The following SDK1 variants were observed in gnomAD, a reference collection of about 807,000 sequenced individuals.
SDK1 encodes sidekick cell adhesion molecule 1, also known as protein sidekick-1.
A neutral mutation model predicts 245.5 loss-of-function variants in SDK1; 157 were observed. That is an observed-to-expected ratio of 0.64 (90% CI 0.56 to 0.73). SDK1 has a LOEUF of 0.73. Among genes scored for constraint, SDK1 ranks in the 30% least tolerant of loss-of-function variants. SDK1 has a pLI of 0.00. For synonymous variants in SDK1, 1,647 were observed against 1,278.5 expected (o/e 1.29, Z -6.15); for missense variants, 3,583 against 3,002.3 (o/e 1.19, Z -4.52).
intron 4 of SDK1, among the ~76,000 whole-genome samples, chr7:3,818,290 C>T (rs1779558529): frequency 6.6e-6 from 1 of 152,190 alleles, no homozygotes; most frequent in Non-Finnish European, 1.5e-5. Context: ...AATGTGTCAT[C>T]TGGAGCTATG....
intron 1 of SDK1, among the ~76,000 whole-genome samples, chr7:3,475,466 G>A (rs919908028): frequency 3.9e-5 from 6 of 152,336 alleles, no homozygotes; most frequent in East Asian, 3.9e-4. Flanking sequence ...TTGGTGCTGC[G>A]ATGACTTGAT....
intron 4 of SDK1, among the ~76,000 whole-genome samples, chr7:3,711,363 G>C (rs771110760): frequency 6.6e-6 from 1 of 152,160 alleles, no homozygotes; most frequent in African/African-American, 2.4e-5. Flanking sequence ...GACAAGTAAG[G>C]CCTCTGACCT....
At chr7:3,710,752 C>G (rs148863671) in intron 4 of SDK1, among the ~76,000 whole-genome samples, 35 of 152,330 alleles carry the variant, frequency 2.3e-4, no homozygotes, top group Non-Finnish European at 4.7e-4. Context: ...AATGGGCCAA[C>G]AATCTTGGCA....
At chr7:4,097,783 C>T (rs755202208) in intron 22 of SDK1, among the ~76,000 whole-genome samples, 3 of 152,126 alleles carry the variant, frequency 2.0e-5, no homozygotes, top group African/African-American at 4.8e-5. Flanking sequence ...GTCAGCATTT[C>T]GGTCATAATA....
chr7:3,827,858 C>T (rs960700556), intron 5 of SDK1, among the ~76,000 whole-genome samples: 3 of 152,082 alleles, frequency 2.0e-5, no homozygotes, highest in Non-Finnish European at 4.4e-5. Flanking sequence ...GGAAGAATAG[C>T]CTGGGAGGGC....
In SDK1 at chr7:3,969,324, A is replaced by G. The variant is rs147945522; in HGVS notation, c.1614A>G (p.Leu538=). 617 of 1,611,434 alleles carry G rather than the reference A, an allele frequency of 3.8e-4. 7 individuals carry two copies. The East Asian group carries it at 0.011, about 30-fold the overall frequency. ...PRFMLLESGG[L]QIAPVFIQDA... ...TCATGCTTCTTGAATCGGGGGGTCT[A>G]CAGATCGCGCCCGTCTTCATCCAGG... The change falls in exon 11 of 45, where the codon CTA becomes CTG. Residue 538 remains leucine, a synonymous_variant. Coordinates refer to ENST00000404826, the MANE Select transcript of SDK1 (RefSeq NM_152744.4).
At chr7:3,693,366 T>C (rs1784486444) in intron 4 of SDK1, among the ~76,000 whole-genome samples, 2 of 152,340 alleles carry the variant, frequency 1.3e-5, no homozygotes, top group East Asian at 1.9e-4. Flanking sequence ...TCCTCATTCT[T>C]TGGACCAGTT....
chr7:4,220,343 G>A (rs1785074825), intron 39 of SDK1, 73 bp downstream of exon 39: 1 of 1,508,370 alleles, frequency 6.6e-7, no homozygotes, highest in Non-Finnish European at 9.1e-7. Flanking sequence ...ACTGAGCTGA[G>A]ATCCATCTAC....
chr7:3,445,012 G>A (rs186349123), intron 1 of SDK1, among the ~76,000 whole-genome samples: 2 of 152,186 alleles, frequency 1.3e-5, no homozygotes, highest in African/African-American at 4.8e-5. Context: ...AGCAGAGTCA[G>A]TAGGCATATT....
At position 3,635,173 on chromosome 7, in the gene SDK1, A is replaced by G. The variant is rs1439104311; in HGVS notation, c.459-3831A>G. On this transcript the variant is annotated intron_variant, in intron 2 of 44. Transcript: ENST00000404826. ...AAATGGCATTGGCTCTTTGCATTCA[A>G]TTTGACATTATTGTGATTGTATTCA... Among the ~76,000 whole-genome samples, 4 of 152,190 alleles carry G rather than the reference A, an allele frequency of 2.6e-5. No individual in the cohort carries two copies. In the East Asian group the frequency reaches 7.7e-4, roughly 29 times the overall value.
chr7:3,668,224 A>G (rs1358571147), intron 4 of SDK1, among the ~76,000 whole-genome samples: 1 of 152,216 alleles, frequency 6.6e-6, no homozygotes, highest in African/African-American at 2.4e-5. Context: ...CAATTTGAGC[A>G]GGAGTGGGAA....
intron 5 of SDK1, among the ~76,000 whole-genome samples, chr7:3,871,612 A>T (rs2115134335): frequency 6.6e-6 from 1 of 152,348 alleles, no homozygotes; most frequent in Non-Finnish European, 1.5e-5. Flanking sequence ...TCATTGTGGA[A>T]AGTAAAGGAG....
At chr7:3,998,131 GCT>G (rs1784816717) in intron 14 of SDK1, among the ~76,000 whole-genome samples, 1 of 152,244 alleles carries the variant, frequency 6.6e-6, no homozygotes, top group Non-Finnish European at 1.5e-5. Flanking sequence ...GCTCCTGCCT[GCT>G]CCATGGAATG....
At chr7:3,852,721 A>G (rs1236628097) in intron 5 of SDK1, among the ~76,000 whole-genome samples, 2 of 139,486 alleles carry the variant, frequency 1.4e-5, no homozygotes, top group African/African-American at 5.7e-5. Context: ...ACTGCACTCC[A>G]GCCTGGGAGA....
At position 4,008,490 on chromosome 7, in the gene SDK1, T is replaced by C. The variant is rs553923188; in HGVS notation, c.2132-2476T>C. Among the ~76,000 whole-genome samples, 4 of 152,344 alleles carry C rather than the reference T, an allele frequency of 2.6e-5. No individual in the cohort carries two copies. The South Asian group carries it at 8.3e-4, about 32-fold the overall frequency. The stretch of plus-strand genomic sequence containing the variant: ...GTCCTGCCCCTGTACCCTTTCCCCA[T>C]TGGCCGGGGTCGGGTCATACAATCT... On this transcript the variant is annotated intron_variant, in intron 14 of 44. Transcript: ENST00000404826.
At chr7:3,550,955 A>G (rs1779383863) in intron 1 of SDK1, among the ~76,000 whole-genome samples, 1 of 152,246 alleles carries the variant, frequency 6.6e-6, no homozygotes, top group Non-Finnish European at 1.5e-5. Context: ...GATTGTTAAA[A>G]GAAATAAAGG....
In SDK1 at chr7:3,991,670, C is replaced by A. The variant is rs10265048; in HGVS notation, c.2131+4348C>A. On this transcript the variant is annotated intron_variant, in intron 14 of 44. Transcript: ENST00000404826. ...CTGGCCGACGTTCCCAGCTGTCTTT[C>A]CTTCAGAGCCTGGAGTGTGGGTATT... 5.1e-3 allele frequency among the ~76,000 whole-genome samples: 772 copies of A among 152,336 alleles called. 5 individuals carry two copies. The highest frequency in any genetic ancestry group is 0.018 in the African/African-American group (740 of 41,574).
At chr7:3,400,218 C>G (rs1032899588) in intron 1 of SDK1, among the ~76,000 whole-genome samples, 1 of 152,004 alleles carries the variant, frequency 6.6e-6, no homozygotes, top group African/African-American at 2.4e-5. Context: ...TGGAGTAGAC[C>G]AAGTTAAAAT....
chr7:3,876,969 T>C (rs560779148), intron 5 of SDK1, among the ~76,000 whole-genome samples: 2 of 152,382 alleles, frequency 1.3e-5, no homozygotes, highest in African/African-American at 4.8e-5. Flanking sequence ...AAGACTTTTA[T>C]GCTAAGATAA....
Sources: gnomAD v4.1 joint callset for allele counts (sites outside exome capture counted in the v4.1 genomes callset) on GRCh38, gnomAD v4.1.1 for gene constraint, MANE v1.5 for transcripts, NCBI Gene and HGNC (gene_info 2026-07-23, HGNC 2026-07-21) for gene names.